Variants in GRIN2D observed in about 807,000 individuals in gnomAD.
GRIN2D encodes glutamate receptor ionotropic, NMDA 2D.
A neutral mutation model predicts 103.2 loss-of-function variants in GRIN2D; 37 were observed. The observed-to-expected ratio is 0.36, with a 90% CI of 0.28 to 0.47. The LOEUF is 0.47. Among genes scored for constraint, GRIN2D ranks in the 20% least tolerant of loss-of-function variants. The pLI is 1.00. For missense variants in GRIN2D, 1,557 were observed against 1,910.6 expected (o/e 0.81, Z 3.45); for synonymous variants, 845 against 885.6 (o/e 0.95, Z 0.81).
intron 4 of GRIN2D, among the ~76,000 whole-genome samples, chr19:48,408,510 A>T (rs1193216870): frequency 6.6e-6 from 1 of 151,692 alleles, no homozygotes. Context: ...AAAATAATTT[A>T]AAAAATTAAA....
intron 4 of GRIN2D, among the ~76,000 whole-genome samples, chr19:48,406,225 G>A (rs947545945): frequency 6.6e-5 from 10 of 152,272 alleles, no homozygotes; most frequent in African/African-American, 9.6e-5. Flanking sequence ...CCTGTGCAGC[G>A]CCGATTGCTA....
chr19:48,415,954 C>T lies in GRIN2D; in HGVS notation c.1582-48C>T, dbSNP rs772554555. The T allele has an allele frequency of 2.6e-6, 4 of 1,563,330 alleles. No homozygotes were observed. The African/African-American group carries it at 5.4e-5, about 21-fold the overall frequency. On this transcript the variant is annotated intron_variant, in intron 7 of 13. Coordinates refer to ENST00000263269, the MANE Select transcript of GRIN2D (RefSeq NM_000836.4). ...CTGCTCGCCGTCCGTGTCAGTCTGT[C>T]CGCTTGAGCCGGGTTCCCCCGCCCA...
Position 48,442,732 on chromosome 19 carries a change from G to A in GRIN2D, c.2806G>A (p.Glu936Lys), listed in dbSNP as rs1271025077. The A allele has an allele frequency of 5.2e-5, 58 of 1,110,452 alleles. No homozygotes were observed. The highest frequency in any genetic ancestry group is 6.4e-5 in the Non-Finnish European group (58 of 909,736). The allele number at this position is 1,110,452 out of a possible 1,614,324, so 68.8% of individuals were successfully genotyped here. A position where few individuals can be genotyped will look rare whatever the true frequency, so the allele number is the denominator to read the frequency against. ...APGPAPFVPR[E>K]RASVDRWRRT... The stretch of plus-strand genomic sequence containing the variant: ...CGGGCCCGCACCTTTCGTGCCCCGC[G>A]AGCGCGCCTCAGTGGACCGCTGGCG... The change falls in exon 14 of 14, where the codon GAG (glutamate) becomes AAG (lysine). Residue 936 changes from glutamate to lysine, a missense_variant. Glu to Lys is a moderately conservative substitution (Grantham distance 56). This residue lies in a region of GRIN2D where 632 missense variants were observed against 572.8 expected (regional missense o/e 1.10). Coordinates refer to ENST00000263269, the MANE Select transcript of GRIN2D (RefSeq NM_000836.4). This position sits in a 1 kb window ranked among gnomAD's most constrained non-coding sequence, Gnocchi z 7.2.
intron 11 of GRIN2D, among the ~76,000 whole-genome samples, chr19:48,440,238 A>C (rs1292557639): frequency 2.0e-5 from 3 of 152,050 alleles, no homozygotes; most frequent in South Asian, 4.2e-4. Context: ...ATAAATAAAT[A>C]AATCAGGGCC....
In GRIN2D at chr19:48,405,109, G is replaced by T; in HGVS notation, c.841G>T (p.Gly281Ter). ...VWFMVGPQLA[G>*]GGGSGAPGEP... is the part of the protein sequence containing the mutation. ...GTTCATGGTGGGGCCCCAGCTGGCT[G>T]GAGGCGGGGGCTCTGGGGCCCCTGG... Residue 281 changes from glycine to a stop codon, truncating the protein, a stop_gained, in exon 4 of 14, where the codon GGA (glycine) becomes TGA (stop). Coordinates refer to ENST00000263269, the MANE Select transcript of GRIN2D (RefSeq NM_000836.4). LOFTEE classifies it high-confidence loss of function. This position sits in a 1 kb window ranked among gnomAD's most constrained non-coding sequence, Gnocchi z 5.1. 1 of 1,587,530 alleles carries T rather than the reference G, an allele frequency of 6.3e-7. No homozygotes were observed. The highest frequency in any genetic ancestry group is 2.3e-5 in the East Asian group (1 of 43,792).
chr19:48,435,284 A>G (rs1600992747), intron 11 of GRIN2D, among the ~76,000 whole-genome samples: 2 of 136,808 alleles, frequency 1.5e-5, no homozygotes, highest in African/African-American at 2.7e-5. Flanking sequence ...TTAAGTGCCC[A>G]TTCAGCCACT....
chr19:48,424,964 G>A lies in GRIN2D; in HGVS notation c.2252+3019G>A, dbSNP rs113956306. Among the ~76,000 whole-genome samples, 535 of 151,904 alleles carry A rather than the reference G, an allele frequency of 3.5e-3. 3 individuals are homozygous for A. The highest frequency in any genetic ancestry group is 0.012 in the African/African-American group (507 of 41,446). ...ATCTCTCCCCCTTCCCCCTTCTTCC[G>A]TTTTCTTCTCGCCAGCCCTTCCCTC... On this transcript the variant is annotated intron_variant, in intron 11 of 13. Coordinates refer to ENST00000263269, the MANE Select transcript of GRIN2D (RefSeq NM_000836.4).
intron 11 of GRIN2D, among the ~76,000 whole-genome samples, chr19:48,428,671 C>T (rs1036206129): frequency 6.6e-6 from 1 of 152,060 alleles, no homozygotes; most frequent in Non-Finnish European, 1.5e-5. Context: ...CCCAAGTTCC[C>T]CTTTTTATAA....
intron 11 of GRIN2D, among the ~76,000 whole-genome samples, chr19:48,436,161 C>G (rs1011268201): frequency 1.3e-5 from 2 of 152,060 alleles, no homozygotes; most frequent in Non-Finnish European, 2.9e-5. Context: ...TGTGGGAGAC[C>G]GGAGTTTTAT....
intron 11 of GRIN2D, among the ~76,000 whole-genome samples, chr19:48,436,849 G>A (rs1271732948): frequency 2.0e-5 from 3 of 152,154 alleles, no homozygotes; most frequent in Admixed American, 6.5e-5. Context: ...AGTGAGGGGG[G>A]GCTTGGGAGA....
At chr19:48,416,241 G>A (rs1204059422) in intron 8 of GRIN2D, 86 bp downstream of exon 8, 2 of 1,253,094 alleles carry the variant, frequency 1.6e-6, no homozygotes, top group Non-Finnish European at 2.2e-6. Context: ...GAAAACCTGG[G>A]TTCCCGGTAT....
chr19:48,426,224 C>CTTTCTTTCTTTTTTTTTTTTTT (rs1555893889), intron 11 of GRIN2D, among the ~76,000 whole-genome samples: 21 of 120,078 alleles, frequency 1.7e-4, no homozygotes, highest in African/African-American at 7.2e-4. Flanking sequence ...TTCTTTCTTT[C>CTTTCTTTCTTTTTTTTTTTTTT]TTTTTTTTTT....
rs1387038692 is a variant in GRIN2D at position 48,394,314 on chromosome 19, CA to C, written c.-305-342del. On this transcript the variant is annotated intron_variant, in intron 1 of 13. Transcript: ENST00000263269. This position sits in a 1 kb window ranked among gnomAD's most constrained non-coding sequence, Gnocchi z 5.1. Reference sequence around the variant, plus strand: ...TGCCTGTGTTTGAGAGTGGGGGAGTCAAGGGGGGGTCTAGAGGTGGCCAAGC... The same window carrying C: ...TGCCTGTGTTTGAGAGTGGGGGAGTCAGGGGGGGTCTAGAGGTGGCCAAGC... Among the ~76,000 whole-genome samples the C allele has an allele frequency of 1.3e-5, 2 of 150,504 alleles. No homozygotes were observed. Among genetic ancestry groups the C allele is most frequent in the East Asian group, 3.9e-4 (2 of 5,124 alleles).
intron 11 of GRIN2D, among the ~76,000 whole-genome samples, chr19:48,439,417 C>G (rs1298813291): frequency 6.6e-6 from 1 of 152,072 alleles, no homozygotes; most frequent in Non-Finnish European, 1.5e-5. Context: ...GTCCTACATG[C>G]CAGGAACTAT....
chr19:48,409,985 A>C (rs1251091204), intron 4 of GRIN2D, among the ~76,000 whole-genome samples: 1 of 150,516 alleles, frequency 6.6e-6, no homozygotes, highest in Non-Finnish European at 1.5e-5. Flanking sequence ...GGGTTTCACC[A>C]TGTTGGCCAG....
Position 48,419,321 on chromosome 19 carries a change from G to C in GRIN2D, c.1823G>C (p.Ser608Thr). ...AVTVFIFEYL[S>T]PVGYNRSLAT... The stretch of plus-strand genomic sequence containing the variant: ...ACTGTTTTCATCTTCGAGTACCTCA[G>C]TCCTGTTGGTTACAACCGCAGCCTG... Residue 608 changes from serine (S) to threonine (T), a missense_variant, in exon 9 of 14, where the codon AGT (serine) becomes ACT (threonine). Ser to Thr is a moderately conservative substitution (Grantham distance 58). Around this residue, in one of 7 missense-constraint regions of GRIN2D, gnomAD observed 197 missense variants for 334.1 expected, o/e 0.59. Coordinates refer to ENST00000263269, the MANE Select transcript of GRIN2D (RefSeq NM_000836.4). The C allele has an allele frequency of 6.2e-7, 1 of 1,608,634 alleles. No individual in the cohort carries two copies. Among genetic ancestry groups the C allele is most frequent in the Non-Finnish European group, 8.5e-7 (1 of 1,179,432 alleles).
rs892261419 is a variant in GRIN2D, at chr19:48,419,675, G to C, written c.1952G>C (p.Arg651Pro). ...FNNSVPVENP[R>P]GTTSKIMVLV... ...AATTCGGTGCCCGTGGAGAACCCCC[G>C]GGGAACCACCAGCAAAATCATGGTG... is the stretch of plus-strand genomic sequence containing the variant. The change falls in exon 10 of 14, where the codon CGG becomes CCG. Residue 651 changes from arginine (R) to proline (P), a missense_variant. This residue lies in a region of GRIN2D where 197 missense variants were observed against 334.1 expected (regional missense o/e 0.59). Coordinates refer to ENST00000263269, the MANE Select transcript of GRIN2D (RefSeq NM_000836.4). The C allele has an allele frequency of 1.2e-6, 2 of 1,613,482 alleles. No homozygotes were observed. The highest frequency in any genetic ancestry group is 1.7e-6 in the Non-Finnish European group (2 of 1,179,892).
At chr19:48,401,972 T>C (rs1970714913) in intron 3 of GRIN2D, among the ~76,000 whole-genome samples, 1 of 152,082 alleles carries the variant, frequency 6.6e-6, no homozygotes, top group South Asian at 2.1e-4. Context: ...TGGTGGTGCA[T>C]GCATGTAATC....
In GRIN2D at chr19:48,443,987, C is replaced by T. The variant is rs767207553; in HGVS notation, c.*50C>T. 10 of 1,227,284 alleles carry T rather than the reference C, an allele frequency of 8.1e-6. No individual in the cohort carries two copies. Among genetic ancestry groups the T allele is most frequent in the Non-Finnish European group, 1.1e-5 (10 of 947,646 alleles). The allele number at this position is 1,227,284 out of a possible 1,614,324, so 76.0% of individuals were successfully genotyped here. A position where few individuals can be genotyped will look rare whatever the true frequency, so the allele number is the denominator to read the frequency against. On this transcript the variant is annotated 3_prime_UTR_variant, in exon 14 of 14. Coordinates refer to ENST00000263269, the MANE Select transcript of GRIN2D (RefSeq NM_000836.4). This position sits in a 1 kb window ranked among gnomAD's most constrained non-coding sequence, Gnocchi z 8.9. ...CCCTTGGTCAGCGCAGGCCACGGCCCGAGGGGGCGCCCGCAGTGGACAGGA... is the reference window on the plus strand; with the variant it reads ...CCCTTGGTCAGCGCAGGCCACGGCCTGAGGGGGCGCCCGCAGTGGACAGGA...
Sources: gnomAD v4.1 joint callset for allele counts (sites outside exome capture counted in the v4.1 genomes callset) on GRCh38, gnomAD v4.1.1 for gene constraint, gnomAD v4.1.1 regional missense constraint, Gnocchi (gnomAD v3.1) non-coding constraint, MANE v1.5 for transcripts, NCBI Gene and HGNC (gene_info 2026-07-23, HGNC 2026-07-21) for gene names.